DNAAF11: variants seen among roughly 807,000 people sequenced by gnomAD.
DNAAF11 encodes leucine rich repeat containing 6.
In DNAAF11, 45 loss-of-function variants were observed where a neutral mutation model predicts 60.8. The ratio of observed to expected loss-of-function variants is 0.74; its 90% CI spans 0.58 to 0.95. The LOEUF (loss-of-function observed/expected upper bound fraction) is 0.95. Among genes scored for constraint, DNAAF11 ranks in the 40% least tolerant of loss-of-function variants. The pLI is 0.00. For synonymous variants in DNAAF11, 191 were observed against 183.5 expected, an observed-to-expected ratio of 1.04 and a Z score of -0.33; for missense variants, 546 against 546.2, an observed-to-expected ratio of 1.00 and a Z score of 0.00.
the DNAAF11 span, among the ~76,000 whole-genome samples, chr8:132,698,228 C>T: frequency 6.6e-6 from 1 of 152,200 alleles, no homozygotes; most frequent in African/African-American, 2.4e-5. Flanking sequence ...CTATCCCACA[C>T]TTCGTAATAG....
chr8:132,649,426 C>A (rs1169532212), intron 3 of DNAAF11, among the ~76,000 whole-genome samples: 4 of 152,088 alleles, frequency 2.6e-5, no homozygotes, highest in Admixed American at 2.6e-4. Flanking sequence ...AGAAGAAAAC[C>A]TAGGCAATAC....
chr8:132,586,232 G>GTAATA (rs1815877158), intron 10 of DNAAF11, among the ~76,000 whole-genome samples: 1 of 152,116 alleles, frequency 6.6e-6, no homozygotes, highest in Non-Finnish European at 1.5e-5. Context: ...GTGCAGCAGT[G>GTAATA]CTGTCCAGCA....
chr8:132,625,502 C>T lies in DNAAF11; in HGVS notation c.654-48G>A. The T allele has an allele frequency of 4.3e-6, 6 of 1,401,334 alleles. No homozygotes were observed. The South Asian group carries it at 8.2e-5, about 19-fold the overall frequency. The allele number at this position is 1,401,334 out of a possible 1,614,324, so 86.8% of individuals were successfully genotyped here. ...TTAAAAACAATAATGGATTCATGAGCTTCATCCTTAATGCTGGCCCTTTAA... is the reference window on the plus strand; with the variant it reads ...TTAAAAACAATAATGGATTCATGAGTTTCATCCTTAATGCTGGCCCTTTAA... On this transcript the variant is annotated intron_variant, in intron 5 of 11. Transcript: ENST00000620350.
At chr8:132,678,289 A>G (rs571597568), upstream of DNAAF11, among the ~76,000 whole-genome samples, 172 of 152,256 alleles carry the variant, frequency 1.1e-3, no homozygotes, top group African/African-American at 3.9e-3. Flanking sequence ...CTATAAATAA[A>G]CCTAACAATG....
At chr8:132,616,237 G>T (rs545336374) in intron 7 of DNAAF11, among the ~76,000 whole-genome samples, 1 of 152,236 alleles carries the variant, frequency 6.6e-6, no homozygotes, top group South Asian at 2.1e-4. Context: ...TTGCAGGTGG[G>T]TGAGGTCATG....
chr8:132,693,398 AATGT>A, the DNAAF11 span, among the ~76,000 whole-genome samples: 2 of 152,036 alleles, frequency 1.3e-5, no homozygotes, highest in Non-Finnish European at 2.9e-5. Context: ...CCACAATACG[AATGT>A]ATGTAAGTAT....
the DNAAF11 span, among the ~76,000 whole-genome samples, chr8:132,700,448 G>A: frequency 3.9e-5 from 6 of 151,958 alleles, no homozygotes; most frequent in East Asian, 1.2e-3. Context: ...CGTTTTGGGA[G>A]GCTGAAGTGG....
chr8:132,598,335 A>G (rs1207246814), intron 10 of DNAAF11, among the ~76,000 whole-genome samples: 5 of 152,200 alleles, frequency 3.3e-5, no homozygotes, highest in Non-Finnish European at 7.4e-5. Context: ...TGACACATCT[A>G]TTTATTAAAT....
At chr8:132,696,003 C>A in the DNAAF11 span, among the ~76,000 whole-genome samples, 1 of 152,036 alleles carries the variant, frequency 6.6e-6, no homozygotes. Context: ...AAAGAATGAG[C>A]TGGAAAGATG....
At chr8:132,667,003 T>C (rs192420293) in intron 1 of DNAAF11, among the ~76,000 whole-genome samples, 3 of 152,258 alleles carry the variant, frequency 2.0e-5, no homozygotes, top group African/African-American at 7.2e-5. Context: ...CATAGAAGAT[T>C]CTGTAAATTA....
intron 10 of DNAAF11, among the ~76,000 whole-genome samples, chr8:132,595,347 GGAAAAAAAAAAAAAAA>G (rs1465075610): frequency 1.5e-4 from 6 of 40,680 alleles, no homozygotes; most frequent in African/African-American, 4.0e-4. Flanking sequence ...GAGACAGAGG[GGAAAAAAAAAAAAAAA>G]AAAAAAAAAA....
rs116704387 is a variant in DNAAF11 at position 132,655,343 on chromosome 8, A to T, written c.256+1487T>A. Among the ~76,000 whole-genome samples, 1,182 of 152,136 alleles carry T rather than the reference A, an allele frequency of 7.8e-3. 12 individuals are homozygous for T. Among genetic ancestry groups the T allele is most frequent in the African/African-American group, 0.027 (1,125 of 41,552 alleles). On this transcript the variant is annotated intron_variant, in intron 3 of 11. Transcript: ENST00000620350. ...AATATTTAAAGAAGAATTAACACAA[A>T]TTTTTTACAAGCTCTCTGAAAAAAA...
chr8:132,626,869 A>G (rs1432887346), intron 5 of DNAAF11, among the ~76,000 whole-genome samples: 2 of 152,186 alleles, frequency 1.3e-5, no homozygotes, highest in Non-Finnish European at 2.9e-5. Context: ...AACTAAAGAT[A>G]TTTTCTTCAT....
intron 11 of DNAAF11, among the ~76,000 whole-genome samples, chr8:132,580,035 A>AG (rs1275469989): frequency 8.5e-4 from 129 of 151,902 alleles, no homozygotes; most frequent in African/African-American, 2.9e-3. Flanking sequence ...CGACTACTCA[A>AG]GGAAAAAAAA....
intron 5 of DNAAF11, among the ~76,000 whole-genome samples, chr8:132,628,090 C>A (rs1820454112): frequency 6.6e-6 from 1 of 152,250 alleles, no homozygotes; most frequent in African/African-American, 2.4e-5. Context: ...AACCCAGCCC[C>A]TTCTACCATG....
At chr8:132,586,842 C>T (rs13281046) in intron 10 of DNAAF11, among the ~76,000 whole-genome samples, 2,328 of 152,232 alleles carry the variant, frequency 0.015, 34 homozygotes, top group South Asian at 0.051. Context: ...CCTCCCTTTC[C>T]AGGTGTTGAC....
At chr8:132,693,472 C>T in the DNAAF11 span, among the ~76,000 whole-genome samples, 602 of 138,398 alleles carry the variant, frequency 4.3e-3, 5 homozygotes, top group African/African-American at 0.016. Flanking sequence ...TGTGTGTGTG[C>T]GTGTGTATAT....
rs112594493 is a variant in DNAAF11 at position 132,583,968 on chromosome 8, C to T, written c.1141-189G>A. ...GTTATATCACGAATTGTATCTGTTG[C>T]AAGAGTCTCGCGAAGCCACAAGCTA... On this transcript the variant is annotated intron_variant, in intron 10 of 11. Coordinates refer to ENST00000620350, the MANE Select transcript of DNAAF11 (RefSeq NM_012472.6). Among the ~76,000 whole-genome samples the T allele has an allele frequency of 3.9e-3, 598 of 152,184 alleles. 10 individuals carry two copies. Among genetic ancestry groups the T allele is most frequent in the African/African-American group, 0.014 (578 of 41,516 alleles).
At chr8:132,649,777 T>C (rs1177306719) in intron 3 of DNAAF11, among the ~76,000 whole-genome samples, 1 of 152,194 alleles carries the variant, frequency 6.6e-6, no homozygotes, top group African/African-American at 2.4e-5. Flanking sequence ...ATGCTCATCA[T>C]CACTGGCCAT....
Sources: allele counts gnomAD v4.1 joint callset (sites outside exome capture counted in the v4.1 genomes callset), GRCh38; gene constraint gnomAD v4.1.1; transcripts MANE v1.5; gene names NCBI Gene and HGNC (gene_info 2026-07-23, HGNC 2026-07-21).